Variants in PSG2 observed in about 807,000 individuals in gnomAD.
The protein encoded by PSG2 is pregnancy specific beta-1-glycoprotein 2, also known as pregnancy-specific beta-1-glycoprotein 2.
A neutral mutation model predicts 36.2 loss-of-function variants in PSG2; 49 were observed. The observed-to-expected ratio is 1.35, with a 90% CI of 1.08 to 1.72. PSG2 has a LOEUF of 1.72. PSG2 is among the 40% of genes most tolerant of loss of function. PSG2 has a pLI of 0.00. For missense variants in PSG2, 605 were observed against 407.2 expected (o/e 1.49, Z -4.18); for synonymous variants, 261 against 155.6 (o/e 1.68, Z -5.04).
Position 43,075,414 on chromosome 19 carries a change from A to T in PSG2, c.649T>A (p.Cys217Ser), listed in dbSNP as rs1475124108. Residue 217 changes from cysteine (C) to serine (S), a missense_variant, in exon 3 of 6, where the codon TGT (cysteine) becomes AGT (serine). By Grantham distance (112) the Cys-to-Ser change is moderately radical. Transcript: ENST00000406487. ...GCACTCCCTGAGTTCCGTATTTCACATTCATAGGGTCCTGCAGTATACTTT... is the reference window on the plus strand; with the variant it reads ...GCACTCCCTGAGTTCCGTATTTCACTTTCATAGGGTCCTGCAGTATACTTT... ...VTKYTAGPYE[C>S]EIRNSGSASR... 4.3e-6 allele frequency: 7 copies of T among 1,613,032 alleles called. No individual in the cohort carries two copies. Among genetic ancestry groups the T allele is most frequent in the Non-Finnish European group, 5.9e-6 (7 of 1,179,686 alleles).
At chr19:43,065,684 G>C (rs1183709194) in intron 5 of PSG2, 2 of 151,520 alleles carry the variant, frequency 1.3e-5, no homozygotes, top group Admixed American at 6.6e-5. Flanking sequence ...TGTCTCCTGG[G>C]GTAGGGACCT....
chr19:43,071,488 C>T (rs1028280018), intron 4 of PSG2, among the ~76,000 whole-genome samples: 1 of 151,632 alleles, frequency 6.6e-6, no homozygotes, highest in East Asian at 1.9e-4. Context: ...CTACCTTTCT[C>T]AGGCGAGACA....
chr19:43,065,618 T>G (rs1164355775), intron 5 of PSG2: 4 of 151,698 alleles, frequency 2.6e-5, no homozygotes, highest in African/African-American at 9.7e-5. Flanking sequence ...GCATTCAATT[T>G]TTTCTATTTT....
chr19:43,067,034 T>C (rs1008125660), intron 4 of PSG2, among the ~76,000 whole-genome samples: 24 of 151,490 alleles, frequency 1.6e-4, no homozygotes, highest in African/African-American at 4.9e-4. Context: ...TCACCACCTC[T>C]TGTGCACAGA....
At position 43,064,358 on chromosome 19, in the gene PSG2, T is replaced by C; in HGVS notation, c.*284A>G. ...TTACCAATTGCTCAAGAAAAAATGT[T>C]CATAAATCTGGAGAATGAAACATTC... On this transcript the variant is annotated 3_prime_UTR_variant, in exon 6 of 6. Transcript: ENST00000406487. 3.4e-6 allele frequency: 1 copy of C among 296,566 alleles called. No homozygotes were observed. Among genetic ancestry groups the C allele is most frequent in the Non-Finnish European group, 6.6e-6 (1 of 150,832 alleles). The allele number at this position is 296,566 out of a possible 1,614,324, so 18.4% of individuals were successfully genotyped here.
At chr19:43,074,777 T>A (rs1301979775) in intron 3 of PSG2, among the ~76,000 whole-genome samples, 1 of 151,778 alleles carries the variant, frequency 6.6e-6, no homozygotes, top group Non-Finnish European at 1.5e-5. Context: ...CATAGAGCCC[T>A]CTATATGTTT....
Position 43,071,770 on chromosome 19 carries a change from G to C in PSG2, c.894C>G (p.Leu298=). The C allele has an allele frequency of 1.9e-6, 3 of 1,612,792 alleles. No individual in the cohort carries two copies. The highest frequency in any genetic ancestry group is 2.5e-6 in the Non-Finnish European group (3 of 1,179,298). The part of the protein sequence containing the change: ...IPQITTKHSG[L]YVCSVRNSAT... ...CTGAGTTACGAACAGAGCAAACATA[G>C]AGCCCGCTATGCTTTGTAGTAATTT... The change falls in exon 4 of 6, where the codon CTC becomes CTG. Residue 298 remains leucine (L), a synonymous_variant. Transcript: ENST00000406487.
intron 4 of PSG2, among the ~76,000 whole-genome samples, chr19:43,070,347 G>T (rs1480190186): frequency 6.6e-6 from 1 of 151,528 alleles, no homozygotes; most frequent in Non-Finnish European, 1.5e-5. Context: ...TCCACTTCTG[G>T]ACATACTCCC....
intron 3 of PSG2, among the ~76,000 whole-genome samples, chr19:43,074,942 C>T (rs1967871778): frequency 6.6e-6 from 1 of 151,558 alleles, no homozygotes; most frequent in Non-Finnish European, 1.5e-5. Context: ...ATGGTGGGGG[C>T]ATCCAGGCCA....
chr19:43,075,665 G>A (rs1315508479), intron 2 of PSG2, 33 bp from the exon 3 acceptor site: 11 of 1,592,190 alleles, frequency 6.9e-6, no homozygotes, highest in Middle Eastern at 3.5e-4. Flanking sequence ...ATTGCCCTGT[G>A]TGGCACCTTT....
At position 43,075,319 on chromosome 19, in the gene PSG2, G is replaced by A. The variant is rs756487301; in HGVS notation, c.709+35C>T. On this transcript the variant is annotated intron_variant, in intron 3 of 5. Transcript: ENST00000406487. ...CCTCTGGCCATGTGTATTTGGGATG[G>A]CAGTCTGGCCCACAGAGGAACAGAA... 9 of 1,613,136 alleles carry A rather than the reference G, an allele frequency of 5.6e-6. No individual in the cohort carries two copies. The South Asian group carries it at 8.8e-5, about 16-fold the overall frequency.
At chr19:43,076,516 G>A (rs1355256092) in intron 2 of PSG2, among the ~76,000 whole-genome samples, 2 of 151,788 alleles carry the variant, frequency 1.3e-5, no homozygotes, top group Admixed American at 6.6e-5. Flanking sequence ...GACCATATGT[G>A]TTTGGTGGAT....
At chr19:43,067,460 A>C (rs1182805538) in intron 4 of PSG2, among the ~76,000 whole-genome samples, 1 of 151,262 alleles carries the variant, frequency 6.6e-6, no homozygotes, top group Admixed American at 6.6e-5. Flanking sequence ...ATATATATAT[A>C]TATGGAAAAA....
Position 43,064,517 on chromosome 19 carries a change from A to T in PSG2, c.*125T>A, listed in dbSNP as rs1407806864. ...TATCAGCCTGTTCATTAAAATTTTG[A>T]AAGTTCTTAGTCCAGTGGTATGATC... On this transcript the variant is annotated 3_prime_UTR_variant, in exon 6 of 6. Transcript: ENST00000406487. 1 of 593,026 alleles carries T rather than the reference A, an allele frequency of 1.7e-6. No individual in the cohort carries two copies. Among genetic ancestry groups the T allele is most frequent in the African/African-American group, 1.9e-5 (1 of 51,510 alleles). 36.7% of individuals were successfully genotyped at this position (593,026 alleles called of 1,614,324 possible). A position where few individuals can be genotyped will look rare whatever the true frequency, so the allele number is the denominator to read the frequency against.
At chr19:43,072,543 T>C in intron 3 of PSG2, 2 of 1,611,330 alleles carry the variant, frequency 1.2e-6, no homozygotes, top group South Asian at 1.1e-5. Flanking sequence ...TAGCTCTCAC[T>C]CTTAGGTTCA....
intron 4 of PSG2, among the ~76,000 whole-genome samples, chr19:43,071,309 C>T (rs1394751958): frequency 1.3e-5 from 2 of 150,884 alleles, no homozygotes; most frequent in Admixed American, 6.6e-5. Context: ...TGTTTCAAAG[C>T]CTCAGATGTT....
intron 3 of PSG2, among the ~76,000 whole-genome samples, chr19:43,072,990 C>G (rs1300820952): frequency 6.6e-6 from 1 of 151,666 alleles, no homozygotes; most frequent in African/African-American, 2.4e-5. Context: ...CTGCTGGGCC[C>G]CTTCCAAATT....
chr19:43,064,490 G>A lies in PSG2; in HGVS notation c.*152C>T. The A allele has an allele frequency of 1.9e-6, 1 of 513,074 alleles. No individual in the cohort carries two copies. Among genetic ancestry groups the A allele is most frequent in the South Asian group, 2.8e-5 (1 of 35,772 alleles). 31.8% of individuals were successfully genotyped at this position (513,074 alleles called of 1,614,324 possible). A position where few individuals can be genotyped will look rare whatever the true frequency, so the allele number is the denominator to read the frequency against. On this transcript the variant is annotated 3_prime_UTR_variant, in exon 6 of 6. Coordinates refer to ENST00000406487, the MANE Select transcript of PSG2 (RefSeq NM_031246.4). Reference sequence around the variant, plus strand: ...TCTTCTTTGTCTTGAATTTCATGAAGGTATCAGCCTGTTCATTAAAATTTT... The same window carrying A: ...TCTTCTTTGTCTTGAATTTCATGAAAGTATCAGCCTGTTCATTAAAATTTT...
At chr19:43,077,145 A>G (rs1343770832) in intron 2 of PSG2, among the ~76,000 whole-genome samples, 6 of 151,662 alleles carry the variant, frequency 4.0e-5, no homozygotes, top group Admixed American at 3.9e-4. Flanking sequence ...AACATCTAAG[A>G]TCAATTGCTG....
Sources: gnomAD v4.1 joint callset for allele counts (sites outside exome capture counted in the v4.1 genomes callset) on GRCh38, gnomAD v4.1.1 for gene constraint, MANE v1.5 for transcripts, NCBI Gene and HGNC (gene_info 2026-07-23, HGNC 2026-07-21) for gene names.